Variants in PCDHGB5 observed in about 807,000 individuals in gnomAD.
The protein encoded by PCDHGB5 is protocadherin gamma subfamily B, 5, also known as protocadherin gamma-B5.
Under a neutral mutation model 62.9 loss-of-function variants are expected in PCDHGB5, and 48 were observed. That is an observed-to-expected ratio of 0.76 (90% CI 0.61 to 0.97). The LOEUF is 0.97. PCDHGB5 is among the 50% of genes least tolerant of loss of function. The probability of loss-of-function intolerance (pLI) is 0.00; values close to 1 mark genes in which losing one functional copy is unlikely to be tolerated. For missense variants in PCDHGB5, 1,118 were observed against 1,198.6 expected (o/e 0.93, Z 0.99); for synonymous variants, 474 against 511.2 (o/e 0.93, Z 0.98).
intron 1 of PCDHGB5, among the ~76,000 whole-genome samples, chr5:141,466,387 A>G (rs1312030857): frequency 1.3e-5 from 2 of 152,108 alleles, no homozygotes; most frequent in Non-Finnish European, 2.9e-5. Flanking sequence ...CATCTAATGG[A>G]AAGTTTGCTC....
At position 141,476,395 on chromosome 5, in the gene PCDHGB5, T is replaced by C. The variant is rs545562470; in HGVS notation, c.2398-18412T>C. 4 of 1,614,020 alleles carry C rather than the reference T, an allele frequency of 2.5e-6. 1 individual carries two copies. In the South Asian group the frequency reaches 4.4e-5, roughly 18 times the overall value. On this transcript the variant is annotated intron_variant, in intron 1 of 3. Transcript: ENST00000617380. This position sits in a 1 kb window ranked among gnomAD's most constrained non-coding sequence, Gnocchi z 7.6. ...AGATGTTTGTGAACGACCGTCTGGATCGAGAGGAGCTGTGTGGGACACTGC... is the reference window on the plus strand; with the variant it reads ...AGATGTTTGTGAACGACCGTCTGGACCGAGAGGAGCTGTGTGGGACACTGC...
intron 1 of PCDHGB5, chr5:141,426,767 A>C (rs1219028777): frequency 2.2e-6 from 1 of 456,666 alleles, no homozygotes. Flanking sequence ...ATGCAGATGT[A>C]GGGCCTCACT....
Position 141,486,697 on chromosome 5 carries a change from C to G in PCDHGB5, c.2398-8110C>G. 1 of 1,614,176 alleles carries G rather than the reference C, an allele frequency of 6.2e-7. No individual in the cohort carries two copies. The highest frequency in any genetic ancestry group is 8.5e-7 in the Non-Finnish European group (1 of 1,180,032). ...GAGATGTATCAGCTTCCTCTTTCATCTCTCTGAACCCCCAGACAGGAGCTG... is the reference window on the plus strand; with the variant it reads ...GAGATGTATCAGCTTCCTCTTTCATGTCTCTGAACCCCCAGACAGGAGCTG... On this transcript the variant is annotated intron_variant, in intron 1 of 3. Coordinates refer to ENST00000617380, the MANE Select transcript of PCDHGB5 (RefSeq NM_018925.3). The surrounding 1 kb of genome is among the most constrained non-coding windows in gnomAD (Gnocchi z 5.0).
chr5:141,503,598 CAAAAA>C (rs765754054), intron 2 of PCDHGB5, among the ~76,000 whole-genome samples: 1 of 65,760 alleles, frequency 1.5e-5, no homozygotes, highest in African/African-American at 4.7e-5. Context: ...GACTCCAGCT[CAAAAA>C]AAAAAAAAAA....
intron 1 of PCDHGB5, chr5:141,418,478 G>A (rs777772131): frequency 1.2e-6 from 2 of 1,613,858 alleles, no homozygotes; most frequent in Non-Finnish European, 1.7e-6. Flanking sequence ...AACGCAGAGC[G>A]CTCACCACTT....
chr5:141,422,115 T>C, intron 1 of PCDHGB5: 1 of 1,605,004 alleles, frequency 6.2e-7, no homozygotes, highest in South Asian at 1.1e-5. Context: ...TCCAATTGGA[T>C]TCACAAACTG....
intron 1 of PCDHGB5, chr5:141,471,300 C>T (rs2099254628): frequency 6.6e-6 from 1 of 152,190 alleles, no homozygotes; most frequent in African/African-American, 2.4e-5. Context: ...ATCCACCCAA[C>T]TCGGCCTCCC....
At chr5:141,440,113 G>A (rs1375262224) in intron 1 of PCDHGB5, 1 of 152,248 alleles carries the variant, frequency 6.6e-6, no homozygotes, top group Non-Finnish European at 1.5e-5. Context: ...ACTTACTTGT[G>A]AATGACTGAA....
At chr5:141,467,273 G>T (rs879618653) in intron 1 of PCDHGB5, among the ~76,000 whole-genome samples, 1 of 151,828 alleles carries the variant, frequency 6.6e-6, no homozygotes, top group Admixed American at 6.6e-5. Context: ...GGCTGGTCTC[G>T]AACTCTTGAC....
intron 1 of PCDHGB5, chr5:141,415,740 G>GTTTTTTTT (rs57426385): frequency 1.3e-4 from 79 of 625,006 alleles, no homozygotes; most frequent in African/African-American, 1.8e-4. Flanking sequence ...GTTTATTAAG[G>GTTTTTTTT]TTTTTTTTTT....
In PCDHGB5 at chr5:141,431,797, A is replaced by T. The variant is rs754056771; in HGVS notation, c.2397+31273A>T. 6.2e-7 allele frequency: 1 copy of T among 1,614,256 alleles called. No homozygotes were observed. The highest frequency in any genetic ancestry group is 2.2e-5 in the East Asian group (1 of 44,882). ...TGGACGTGAACGACAATGCCCCAGAAGTGGTCCTCACCTCTCTCGCCAGCT... is the reference window on the plus strand; with the variant it reads ...TGGACGTGAACGACAATGCCCCAGATGTGGTCCTCACCTCTCTCGCCAGCT... On this transcript the variant is annotated intron_variant, in intron 1 of 3. Coordinates refer to ENST00000617380, the MANE Select transcript of PCDHGB5 (RefSeq NM_018925.3). This position sits in a 1 kb window ranked among gnomAD's most constrained non-coding sequence, Gnocchi z 4.8.
At chr5:141,499,451 T>A (rs1378621877) in intron 2 of PCDHGB5, among the ~76,000 whole-genome samples, 3 of 152,130 alleles carry the variant, frequency 2.0e-5, no homozygotes, top group Non-Finnish European at 4.4e-5. Flanking sequence ...AAACCACCCA[T>A]CATTTTACAA....
intron 2 of PCDHGB5, 142 bp downstream of exon 2, chr5:141,495,007 G>C (rs2099758216): frequency 2.0e-6 from 3 of 1,522,276 alleles, no homozygotes; most frequent in Non-Finnish European, 8.8e-7. Flanking sequence ...TTGGTGTGCG[G>C]GGGGCTGGCA....
intron 1 of PCDHGB5, among the ~76,000 whole-genome samples, chr5:141,451,611 G>C (rs1004906441): frequency 6.6e-6 from 1 of 152,166 alleles, no homozygotes; most frequent in Admixed American, 6.5e-5. Context: ...GCTAGGCATG[G>C]TGGCTCAAAC....
At chr5:141,475,322 G>A (rs1352768659) in intron 1 of PCDHGB5, among the ~76,000 whole-genome samples, 1 of 152,204 alleles carries the variant, frequency 6.6e-6, no homozygotes, top group African/African-American at 2.4e-5. Flanking sequence ...CTTAAGAAAT[G>A]AGAGCTAACA....
At chr5:141,451,170 A>G (rs960062747) in intron 1 of PCDHGB5, among the ~76,000 whole-genome samples, 8 of 152,148 alleles carry the variant, frequency 5.3e-5, no homozygotes, top group East Asian at 3.9e-4. Flanking sequence ...GTAGTATATT[A>G]TTTAGCCATT....
At chr5:141,433,849 A>AC (rs1304649814) in intron 1 of PCDHGB5, among the ~76,000 whole-genome samples, 10 of 152,030 alleles carry the variant, frequency 6.6e-5, no homozygotes, top group Admixed American at 1.3e-4. Flanking sequence ...AAAAAAAAAA[A>AC]AAAAAACTTT....
intron 1 of PCDHGB5, among the ~76,000 whole-genome samples, chr5:141,435,605 C>T (rs776926758): frequency 1.1e-4 from 17 of 152,134 alleles, no homozygotes; most frequent in Non-Finnish European, 1.9e-4. Flanking sequence ...CTGCTTTTTA[C>T]ATTAAATTCC....
Position 141,491,713 on chromosome 5 carries a change from G to A in PCDHGB5, c.2398-3094G>A. On this transcript the variant is annotated intron_variant, in intron 1 of 3. Transcript: ENST00000617380. This position sits in a 1 kb window ranked among gnomAD's most constrained non-coding sequence, Gnocchi z 6.9. ...GGAGCGGAGCCAGGTGAGGGGCTCG[G>A]CGCCGCCCCGGGCGACCCCTGGGGG... The A allele has an allele frequency of 1.9e-6, 3 of 1,609,174 alleles. No individual in the cohort carries two copies. Among genetic ancestry groups the A allele is most frequent in the Non-Finnish European group, 2.5e-6 (3 of 1,178,054 alleles).
Sources: gnomAD v4.1 joint callset for allele counts (sites outside exome capture counted in the v4.1 genomes callset) on GRCh38, gnomAD v4.1.1 for gene constraint, Gnocchi (gnomAD v3.1) non-coding constraint, MANE v1.5 for transcripts, NCBI Gene and HGNC (gene_info 2026-07-23, HGNC 2026-07-21) for gene names.